The following DLG2 variants were observed in gnomAD, a reference collection of about 807,000 sequenced individuals.
The protein encoded by DLG2 is discs large MAGUK scaffold protein 2, also known as disks large homolog 2.
DLG2 carries 45 observed loss-of-function variants against 132.5 expected under a neutral mutation model. The ratio of observed to expected loss-of-function variants is 0.34; its 90% confidence interval spans 0.27 to 0.44. DLG2 has a LOEUF of 0.44. DLG2 is among the 20% of genes least tolerant of loss of function. DLG2 has a pLI of 1.00. For synonymous variants in DLG2, 424 were observed against 419.6 expected (o/e 1.01, Z -0.13); for missense variants, 1,045 against 1,196.9 (o/e 0.87, Z 1.87).
chr11:85,200,092 A>C (rs1213475130), intron 4 of DLG2, among the ~76,000 whole-genome samples: 1 of 152,120 alleles, frequency 6.6e-6, no homozygotes, highest in Non-Finnish European at 1.5e-5. Context: ...TTGTGAATTC[A>C]GATAGGAGGT....
chr11:84,753,750 T>A (rs1486650610), intron 6 of DLG2, among the ~76,000 whole-genome samples: 1 of 152,142 alleles, frequency 6.6e-6, no homozygotes, highest in African/African-American at 2.4e-5. Flanking sequence ...TGAAGGAGCA[T>A]CACTAGAAGG....
chr11:83,824,223 T>C (rs1375775942), intron 17 of DLG2, among the ~76,000 whole-genome samples: 1 of 152,162 alleles, frequency 6.6e-6, no homozygotes, highest in African/African-American at 2.4e-5. Flanking sequence ...CCCTCTTTGT[T>C]GGGAAGTTTC....
intron 11 of DLG2, among the ~76,000 whole-genome samples, chr11:84,004,985 G>C (rs898670840): frequency 2.8e-5 from 4 of 143,438 alleles, no homozygotes; most frequent in Non-Finnish European, 4.5e-5. Context: ...AAGCAATCCT[G>C]AGCAAAAACA....
chr11:85,286,143 A>G (rs906182804), intron 3 of DLG2: 11 of 450,288 alleles, frequency 2.4e-5, no homozygotes, highest in African/African-American at 2.2e-4. Flanking sequence ...AAAGTCAAGG[A>G]AACTATACAA....
chr11:85,307,079 T>C (rs1486917378), intron 3 of DLG2, among the ~76,000 whole-genome samples: 2 of 152,162 alleles, frequency 1.3e-5, no homozygotes, highest in South Asian at 2.1e-4. Context: ...AATAAACTAT[T>C]GTAGGCAAAG....
intron 11 of DLG2, among the ~76,000 whole-genome samples, chr11:84,006,772 T>C (rs2154056458): frequency 6.6e-6 from 1 of 151,716 alleles, no homozygotes; most frequent in South Asian, 2.1e-4. Flanking sequence ...TTCTTTACTA[T>C]ATTCAGTAAT....
chr11:85,352,449 A>C (rs2083368943), intron 3 of DLG2, among the ~76,000 whole-genome samples: 1 of 152,054 alleles, frequency 6.6e-6, no homozygotes, highest in Non-Finnish European at 1.5e-5. Context: ...GCCTTCTGCT[A>C]GCTTTTGAAT....
intron 10 of DLG2, among the ~76,000 whole-genome samples, chr11:84,071,385 G>A (rs572008499): frequency 8.9e-4 from 136 of 152,088 alleles, no homozygotes; most frequent in Admixed American, 1.6e-3. Context: ...GATTACAGGC[G>A]CGAGCTACCA....
At chr11:83,714,683 C>T (rs770718863) in intron 18 of DLG2, among the ~76,000 whole-genome samples, 1 of 152,098 alleles carries the variant, frequency 6.6e-6, no homozygotes, top group Non-Finnish European at 1.5e-5. Flanking sequence ...TTACAGGAGC[C>T]CTTTGAGAGG....
chr11:84,852,896 A>G (rs1233365891), intron 6 of DLG2, among the ~76,000 whole-genome samples: 5 of 152,016 alleles, frequency 3.3e-5, no homozygotes, highest in Non-Finnish European at 2.9e-5. Flanking sequence ...TGCCATAGTA[A>G]CTAGTGCTAG....
intron 11 of DLG2, among the ~76,000 whole-genome samples, chr11:84,010,787 G>T (rs1157330029): frequency 6.6e-6 from 1 of 151,874 alleles, no homozygotes; most frequent in Non-Finnish European, 1.5e-5. Context: ...AAACACTTGA[G>T]CATTATTATC....
At chr11:84,892,174 A>G (rs1173855320) in intron 6 of DLG2, among the ~76,000 whole-genome samples, 1 of 152,178 alleles carries the variant, frequency 6.6e-6, no homozygotes, top group Non-Finnish European at 1.5e-5. Context: ...ATGTTGTGAC[A>G]CATGAAAGGC....
In DLG2 at chr11:85,050,545, C is replaced by T. The variant is rs572771976; in HGVS notation, c.357+61116G>A. On this transcript the variant is annotated intron_variant, in intron 6 of 27. Transcript: ENST00000376104. ...TCCAATGCCTTCTCATTCCACTCCTCTCATGATAGGTTTCAAAACTTCCCT... is the reference window on the plus strand; with the variant it reads ...TCCAATGCCTTCTCATTCCACTCCTTTCATGATAGGTTTCAAAACTTCCCT... Among the ~76,000 whole-genome samples the T allele has an allele frequency of 2.6e-5, 4 of 152,210 alleles. No homozygotes were observed. The South Asian group carries it at 8.3e-4, about 32-fold the overall frequency.
chr11:84,612,915 A>G (rs1565455428), intron 6 of DLG2, among the ~76,000 whole-genome samples: 1 of 152,182 alleles, frequency 6.6e-6, no homozygotes, highest in Non-Finnish European at 1.5e-5. Context: ...ACCTCACAAA[A>G]AAGATTTTGT....
At chr11:85,373,138 A>G (rs1403970132) in intron 3 of DLG2, among the ~76,000 whole-genome samples, 1 of 152,192 alleles carries the variant, frequency 6.6e-6, no homozygotes, top group East Asian at 1.9e-4. Context: ...GGAACCCGGA[A>G]GTCCAACATG....
At chr11:84,250,146 G>T (rs775855274) in intron 8 of DLG2, among the ~76,000 whole-genome samples, 2 of 152,170 alleles carry the variant, frequency 1.3e-5, no homozygotes, top group Non-Finnish European at 2.9e-5. Flanking sequence ...AAAATTAGTT[G>T]CCTGTATTTA....
intron 16 of DLG2, among the ~76,000 whole-genome samples, chr11:83,843,771 T>C (rs182319714): frequency 2.0e-5 from 3 of 152,250 alleles, no homozygotes; most frequent in African/African-American, 7.2e-5. Flanking sequence ...GAAATTCCGA[T>C]AAGACAATGA....
At chr11:84,237,447 A>G (rs538701842) in intron 8 of DLG2, among the ~76,000 whole-genome samples, 1 of 152,284 alleles carries the variant, frequency 6.6e-6, no homozygotes, top group South Asian at 2.1e-4. Context: ...TTGTTATTTC[A>G]TTACTACTTT....
chr11:85,164,423 C>T (rs2078275110), intron 4 of DLG2, among the ~76,000 whole-genome samples: 1 of 152,182 alleles, frequency 6.6e-6, no homozygotes, highest in African/African-American at 2.4e-5. Context: ...TATATACATA[C>T]ATACAAAGCA....
Sources: allele counts gnomAD v4.1 joint callset (sites outside exome capture counted in the v4.1 genomes callset), GRCh38; gene constraint gnomAD v4.1.1; transcripts MANE v1.5; gene names NCBI Gene and HGNC (gene_info 2026-07-23, HGNC 2026-07-21).